The following FBXL7 variants were observed in gnomAD, a reference collection of about 807,000 sequenced individuals.
FBXL7 encodes the protein F-box and leucine rich repeat protein 7.
Under a neutral mutation model 38.3 loss-of-function variants are expected in FBXL7, and 12 were observed. The observed-to-expected ratio is 0.31, with a 90% confidence interval of 0.20 to 0.51. The LOEUF (loss-of-function observed/expected upper bound fraction) is 0.51. FBXL7 is among the 20% of genes least tolerant of loss of function. FBXL7 has a pLI of 0.98. For missense variants in FBXL7, 567 were observed against 676.4 expected (o/e 0.84, Z 1.79); for synonymous variants, 297 against 300.9 (o/e 0.99, Z 0.13).
chr5:15,851,431 C>T (rs956986905), intron 2 of FBXL7, among the ~76,000 whole-genome samples: 10 of 152,064 alleles, frequency 6.6e-5, no homozygotes, highest in Admixed American at 2.0e-4. Flanking sequence ...TCTTCTTGTC[C>T]GCCAACAGGC....
In FBXL7 at chr5:15,573,524, G is replaced by A. The variant is rs923524879; in HGVS notation, c.38-42459G>A. ...AACAAGTCTTTTTAATGATGGTGAT[G>A]TTGGCCGAAGAAGGGATTTTTATGG... On this transcript the variant is annotated intron_variant, in intron 1 of 3. Transcript: ENST00000504595. Among the ~76,000 whole-genome samples the A allele has an allele frequency of 3.9e-5, 6 of 152,328 alleles. No individual in the cohort carries two copies. In the East Asian group the frequency reaches 1.2e-3, roughly 29 times the overall value.
intron 2 of FBXL7, among the ~76,000 whole-genome samples, chr5:15,662,035 T>G (rs998862474): frequency 1.3e-5 from 2 of 152,216 alleles, no homozygotes; most frequent in African/African-American, 4.8e-5. Flanking sequence ...TATATTCCTG[T>G]GGGTACAAAG....
rs534560312 is a variant in FBXL7, at chr5:15,847,034, C to T, written c.128-80856C>T. Among the ~76,000 whole-genome samples, 416 of 152,116 alleles carry T rather than the reference C, an allele frequency of 2.7e-3. 1 individual carries two copies. The highest frequency in any genetic ancestry group is 9.4e-3 in the African/African-American group (390 of 41,514). On this transcript the variant is annotated intron_variant, in intron 2 of 3. Transcript: ENST00000504595. ...TAGCAAATCGTACACTCTTGGTGAA[C>T]TCATAATTATCCCACCCTCTTTAGA...
chr5:15,839,937 C>T (rs1475058641), intron 2 of FBXL7, among the ~76,000 whole-genome samples: 11 of 152,192 alleles, frequency 7.2e-5, no homozygotes, highest in Admixed American at 5.2e-4. Context: ...TAAATGGTTA[C>T]ATTGATTACA....
At chr5:15,707,570 A>T (rs1204245382) in intron 2 of FBXL7, among the ~76,000 whole-genome samples, 1 of 152,180 alleles carries the variant, frequency 6.6e-6, no homozygotes, top group East Asian at 1.9e-4. Flanking sequence ...TGAAGCCAGG[A>T]ACTTTGTGAG....
intron 2 of FBXL7, among the ~76,000 whole-genome samples, chr5:15,656,771 A>G (rs879817281): frequency 6.6e-6 from 1 of 152,198 alleles, no homozygotes; most frequent in Non-Finnish European, 1.5e-5. Context: ...AATTTGAAAA[A>G]AAAAATACAG....
At chr5:15,806,676 A>G (rs1411736477) in intron 2 of FBXL7, among the ~76,000 whole-genome samples, 2 of 152,114 alleles carry the variant, frequency 1.3e-5, no homozygotes, top group East Asian at 3.9e-4. Flanking sequence ...CCTGTTCTTT[A>G]TGAAGGTTAA....
rs117612981 is a variant in FBXL7, at chr5:15,876,546, C to T, written c.128-51344C>T. ...TCAGTAAGGGCATTGCTTTTAAGCT[C>T]CATGTTCAAAGGTTTCTCTTCATTT... On this transcript the variant is annotated intron_variant, in intron 2 of 3. Coordinates refer to ENST00000504595, the MANE Select transcript of FBXL7 (RefSeq NM_012304.5). 3.7e-4 allele frequency among the ~76,000 whole-genome samples: 56 copies of T among 152,200 alleles called. 1 individual carries two copies. The East Asian group carries it at 0.011, about 29-fold the overall frequency.
intron 2 of FBXL7, among the ~76,000 whole-genome samples, chr5:15,738,569 C>A (rs772346915): frequency 1.3e-5 from 2 of 152,092 alleles, no homozygotes; most frequent in Non-Finnish European, 2.9e-5. Context: ...CTCTCTTGGT[C>A]AAGAAAATCC....
At chr5:15,788,050 C>T (rs1414622940) in intron 2 of FBXL7, among the ~76,000 whole-genome samples, 1 of 152,122 alleles carries the variant, frequency 6.6e-6, no homozygotes, top group Admixed American at 6.5e-5. Context: ...TATGGCGTTC[C>T]TTGACTTGCA....
chr5:15,850,436 G>A (rs1739058631), intron 2 of FBXL7, among the ~76,000 whole-genome samples: 1 of 152,182 alleles, frequency 6.6e-6, no homozygotes, highest in Non-Finnish European at 1.5e-5. Flanking sequence ...TAGAGAAAGG[G>A]GGTATTGCCA....
At chr5:15,932,833 C>T (rs1579614146) in intron 3 of FBXL7, among the ~76,000 whole-genome samples, 1 of 152,288 alleles carries the variant, frequency 6.6e-6, no homozygotes, top group East Asian at 1.9e-4. Context: ...TTTCCAAAGA[C>T]CCCTGGGTGC....
intron 2 of FBXL7, among the ~76,000 whole-genome samples, chr5:15,830,513 C>G (rs1460640809): frequency 6.6e-6 from 1 of 151,374 alleles, no homozygotes; most frequent in Non-Finnish European, 1.5e-5. Context: ...CACACACACA[C>G]ACACACACAC....
At chr5:15,622,515 T>C (rs537842593) in intron 2 of FBXL7, among the ~76,000 whole-genome samples, 1 of 152,234 alleles carries the variant, frequency 6.6e-6, no homozygotes, top group Non-Finnish European at 1.5e-5. Context: ...AATTCCCACC[T>C]ATGAGTGAGA....
chr5:15,573,211 G>A (rs1332917105), intron 1 of FBXL7, among the ~76,000 whole-genome samples: 1 of 152,174 alleles, frequency 6.6e-6, no homozygotes, highest in Non-Finnish European at 1.5e-5. Context: ...CTGCGGCCCA[G>A]TAAGCAGCTC....
At chr5:15,779,706 A>G (rs1505039) in intron 2 of FBXL7, among the ~76,000 whole-genome samples, 30,425 of 152,070 alleles carry the variant, frequency 0.2, 3,051 homozygotes, top group South Asian at 0.26. Context: ...GCATATTTTT[A>G]GGCAGTTTAA....
intron 2 of FBXL7, among the ~76,000 whole-genome samples, chr5:15,683,141 C>T (rs1399681335): frequency 6.6e-6 from 1 of 152,160 alleles, no homozygotes. Context: ...AATTAATCAA[C>T]CACAGCTTCG....
chr5:15,662,391 T>A (rs998831134), intron 2 of FBXL7, among the ~76,000 whole-genome samples: 1 of 152,230 alleles, frequency 6.6e-6, no homozygotes, highest in African/African-American at 2.4e-5. Flanking sequence ...TCCTTATAGA[T>A]GCTGGATATT....
intron 2 of FBXL7, among the ~76,000 whole-genome samples, chr5:15,885,726 T>A (rs1740648920): frequency 6.6e-6 from 1 of 152,204 alleles, no homozygotes; most frequent in Non-Finnish European, 1.5e-5. Flanking sequence ...TTTTTTTTAT[T>A]TTTTTGAGAC....
Sources: allele counts gnomAD v4.1 joint callset (sites outside exome capture counted in the v4.1 genomes callset), GRCh38; gene constraint gnomAD v4.1.1; transcripts MANE v1.5; gene names NCBI Gene and HGNC (gene_info 2026-07-23, HGNC 2026-07-21).